Variants in COL4A2 observed in about 807,000 individuals in gnomAD.
COL4A2 encodes the protein collagen alpha-2(IV) chain.
Under a neutral mutation model 200.2 loss-of-function variants are expected in COL4A2, and 99 were observed. The observed-to-expected ratio is 0.49, with a 90% CI of 0.42 to 0.58. COL4A2 has a LOEUF of 0.58. Ranked by LOEUF, COL4A2 falls within the 20% of genes least tolerant of loss-of-function variation. The pLI is 0.00. For synonymous variants in COL4A2, 897 were observed against 900.6 expected (o/e 1.00, Z 0.07); for missense variants, 1,950 against 2,314.1 (o/e 0.84, Z 3.23).
intron 45 of COL4A2, among the ~76,000 whole-genome samples, chr13:110,505,120 G>A (rs1036176438): frequency 3.9e-5 from 6 of 151,972 alleles, no homozygotes; most frequent in South Asian, 2.1e-4. Flanking sequence ...GGAGGCTGAG[G>A]TGGGCGGATC....
rs1594210911 is a variant in COL4A2 at position 110,432,296 on chromosome 13, C to G, written c.649-29C>G. On this transcript the variant is annotated intron_variant, in intron 10 of 47. Transcript: ENST00000360467. The stretch of plus-strand genomic sequence containing the variant: ...ATCTGGGTCCTGGGGTAAAGAAAAC[C>G]ATTTACACATTTCTTTGTATTTGTA... The G allele has an allele frequency of 1.3e-5, 21 of 1,594,786 alleles. No individual in the cohort carries two copies. In the East Asian group the frequency reaches 4.7e-4, roughly 36 times the overall value.
intron 4 of COL4A2, among the ~76,000 whole-genome samples, chr13:110,399,997 G>A (rs1879315444): frequency 6.6e-6 from 1 of 152,164 alleles, no homozygotes; most frequent in South Asian, 2.1e-4. Context: ...CCATATTCAC[G>A]ATAGATCTAG....
chr13:110,479,247 A>T (rs1882806856), intron 30 of COL4A2, among the ~76,000 whole-genome samples: 1 of 152,186 alleles, frequency 6.6e-6, no homozygotes, highest in Non-Finnish European at 1.5e-5. Flanking sequence ...CCTACACTTT[A>T]GGTGGGGAGA....
chr13:110,414,767 G>A (rs184039614), intron 4 of COL4A2, among the ~76,000 whole-genome samples: 5 of 152,238 alleles, frequency 3.3e-5, no homozygotes, highest in Non-Finnish European at 7.3e-5. Flanking sequence ...TAAGACTCTT[G>A]CTAGGGAATG....
chr13:110,480,715 G>A (rs1882869756), intron 31 of COL4A2, among the ~76,000 whole-genome samples: 1 of 152,246 alleles, frequency 6.6e-6, no homozygotes, highest in Non-Finnish European at 1.5e-5. Context: ...GTCCACTCAG[G>A]GGCCTAGATT....
chr13:110,490,990 T>C (rs976225462), intron 36 of COL4A2, among the ~76,000 whole-genome samples: 3 of 152,106 alleles, frequency 2.0e-5, no homozygotes, highest in African/African-American at 7.2e-5. Context: ...CCTGGGGGTG[T>C]CCTGTTTTCC....
rs568964324 is a variant in COL4A2 at position 110,482,747 on chromosome 13, A to G, written c.2902+88A>G. 1.2e-4 allele frequency: 179 copies of G among 1,438,048 alleles called. No homozygotes were observed. The African/African-American group carries it at 2.1e-3, about 17-fold the overall frequency. 89.1% of individuals were successfully genotyped at this position (1,438,048 alleles called of 1,614,324 possible). A position where few individuals can be genotyped will look rare whatever the true frequency, so the allele number is the denominator to read the frequency against. On this transcript the variant is annotated intron_variant, in intron 32 of 47. Transcript: ENST00000360467. ...GGTGGCATAACATTGCCCAGAATGA[A>G]TTTTTGAAAACCCATGCATCCAGGA...
chr13:110,389,368 C>G (rs1196143596), intron 4 of COL4A2, among the ~76,000 whole-genome samples: 1 of 152,214 alleles, frequency 6.6e-6, no homozygotes, highest in African/African-American at 2.4e-5. Context: ...CACCATCACC[C>G]TTCTCCCTAA....
At chr13:110,326,472 C>T (rs1381187404) in intron 3 of COL4A2, among the ~76,000 whole-genome samples, 2 of 152,056 alleles carry the variant, frequency 1.3e-5, no homozygotes, top group Admixed American at 6.6e-5. Context: ...TTGGCAAGTA[C>T]TGCCCAAAGT....
chr13:110,436,234 T>A, intron 12 of COL4A2, 35 bp from the exon 13 acceptor site: 1 of 1,612,772 alleles, frequency 6.2e-7, no homozygotes, highest in Middle Eastern at 1.7e-4. Flanking sequence ...TTCCTTTCGA[T>A]TTAAAGACAA....
In COL4A2 at chr13:110,511,834, T is replaced by C. The variant is rs1006987454; in HGVS notation, c.4882-100T>C. The C allele has an allele frequency of 2.6e-6, 4 of 1,565,462 alleles. No homozygotes were observed. In the African/African-American group the frequency reaches 5.5e-5, roughly 21 times the overall value. ...GTCCGTATTGACACTCATGGTTTGC[T>C]GTTCAGTAAAAACAAATGCACAGAA... On this transcript the variant is annotated intron_variant, in intron 47 of 47. Transcript: ENST00000360467.
At chr13:110,389,931 T>C (rs1210197551) in intron 4 of COL4A2, among the ~76,000 whole-genome samples, 2 of 152,200 alleles carry the variant, frequency 1.3e-5, no homozygotes, top group Non-Finnish European at 2.9e-5. Flanking sequence ...TACTCCCTTC[T>C]CAAAAATATC....
chr13:110,438,735 T>A, intron 15 of COL4A2, 67 bp downstream of exon 15: 5 of 1,603,814 alleles, frequency 3.1e-6, no homozygotes, highest in Admixed American at 3.3e-5. Flanking sequence ...GCTTTCCTTT[T>A]TAGAGCTGTT....
chr13:110,358,275 G>A lies in COL4A2; in HGVS notation c.180+723G>A, dbSNP rs562554222. ...CAGACATGGGAGCCTGGGCCTACAC[G>A]GGCTCAGGATAATCAATATCACTGT... On this transcript the variant is annotated intron_variant, in intron 4 of 47. Transcript: ENST00000360467. Among the ~76,000 whole-genome samples, 116 of 151,922 alleles carry A rather than the reference G, an allele frequency of 7.6e-4. 1 individual carries two copies. Among genetic ancestry groups the A allele is most frequent in the Admixed American group, 7.2e-3 (110 of 15,274 alleles).
intron 3 of COL4A2, among the ~76,000 whole-genome samples, chr13:110,318,314 G>A (rs561410434): frequency 1.5e-4 from 22 of 148,764 alleles, no homozygotes; most frequent in Admixed American, 4.0e-4. Context: ...GTGTGTGTGC[G>A]CGCGGGTATG....
chr13:110,314,670 C>T (rs1885085862), intron 3 of COL4A2, among the ~76,000 whole-genome samples: 1 of 152,162 alleles, frequency 6.6e-6, no homozygotes, highest in African/African-American at 2.4e-5. Flanking sequence ...GAAGGGCAGG[C>T]TTGTATCACA....
rs369506338 is a variant in COL4A2 at position 110,450,422 on chromosome 13, C to G, written c.1307C>G (p.Pro436Arg). ...GPDGKRGPPGPPGLPGPPGPD... is the reference protein window; with the variant it reads ...GPDGKRGPPGRPGLPGPPGPD... ...GATGGAAAGCGAGGGCCTCCAGGAC[C>G]CCCCGGGCTCCCTGGACCACCTGGA... Residue 436 changes from proline to arginine, a missense_variant, in exon 20 of 48, where the codon CCC (proline) becomes CGC (arginine). Coordinates refer to ENST00000360467, the MANE Select transcript of COL4A2 (RefSeq NM_001846.4). 1.9e-6 allele frequency: 3 copies of G among 1,613,930 alleles called. No individual in the cohort carries two copies. The East Asian group carries it at 6.7e-5, about 36-fold the overall frequency.
chr13:110,379,536 C>T (rs922422533), intron 4 of COL4A2, among the ~76,000 whole-genome samples: 3 of 152,318 alleles, frequency 2.0e-5, no homozygotes, highest in Middle Eastern at 3.4e-3. Context: ...GGCTCACAGA[C>T]TTTTGGCTGC....
intron 28 of COL4A2, among the ~76,000 whole-genome samples, chr13:110,472,113 C>CTTTT (rs112919154): frequency 6.9e-6 from 1 of 145,958 alleles, no homozygotes; most frequent in Non-Finnish European, 1.5e-5. Context: ...TTTCTTTTTT[C>CTTTT]TTTTTATTTT....
Sources: gnomAD v4.1 joint callset for allele counts (sites outside exome capture counted in the v4.1 genomes callset) on GRCh38, gnomAD v4.1.1 for gene constraint, MANE v1.5 for transcripts, NCBI Gene and HGNC (gene_info 2026-07-23, HGNC 2026-07-21) for gene names.